ITCH: variants seen among roughly 807,000 people sequenced by gnomAD.
ITCH encodes itchy E3 ubiquitin protein ligase.
ITCH carries 28 observed loss-of-function variants against 126.8 expected under a neutral mutation model. The observed-to-expected ratio is 0.22, with a 90% CI of 0.16 to 0.30. The LOEUF (loss-of-function observed/expected upper bound fraction) is 0.30, where lower values mean the gene tolerates loss of function less well. Among genes scored for constraint, ITCH ranks in the 10% least tolerant of loss-of-function variants. The probability of loss-of-function intolerance (pLI) is 1.00; values close to 1 mark genes in which losing one functional copy is unlikely to be tolerated. For missense variants in ITCH, 631 were observed against 1,032.4 expected (o/e 0.61, Z 5.33); for synonymous variants, 342 against 340.0 (o/e 1.01, Z -0.06).
intron 20 of ITCH, among the ~76,000 whole-genome samples, chr20:34,482,121 C>T (rs910803315): frequency 1.3e-5 from 2 of 152,214 alleles, no homozygotes; most frequent in African/African-American, 4.8e-5. Context: ...ATTCAGTTAT[C>T]TCACTGATTC....
chr20:34,445,268 T>G lies in ITCH; in HGVS notation c.966-19T>G. 6.3e-7 allele frequency: 1 copy of G among 1,596,584 alleles called. No homozygotes were observed. Among genetic ancestry groups the G allele is most frequent in the Non-Finnish European group, 8.5e-7 (1 of 1,175,948 alleles). ...ATTTGTTGAATTAGCTTGTTTTTTT[T>G]TTTTTTTTTCTGATTTAGCTGGGAA... On this transcript the variant is annotated intron_variant, in intron 10 of 24. Coordinates refer to ENST00000374864, the MANE Select transcript of ITCH (RefSeq NM_031483.7).
In ITCH at chr20:34,465,957, G is replaced by A. The variant is rs562910694; in HGVS notation, c.1424+3736G>A. On this transcript the variant is annotated intron_variant, in intron 14 of 24. Coordinates refer to ENST00000374864, the MANE Select transcript of ITCH (RefSeq NM_031483.7). ...CTTCTGGATACTATGTTGACTACAAGTGGTGAAAATAGGCATTCTTATATT... is the reference window on the plus strand; with the variant it reads ...CTTCTGGATACTATGTTGACTACAAATGGTGAAAATAGGCATTCTTATATT... Among the ~76,000 whole-genome samples, 11 of 152,140 alleles carry A rather than the reference G, an allele frequency of 7.2e-5. No individual in the cohort carries two copies. In the South Asian group the frequency reaches 1.0e-3, roughly 14 times the overall value.
chr20:34,474,900 G>A (rs1355399484), intron 16 of ITCH, among the ~76,000 whole-genome samples: 5 of 152,016 alleles, frequency 3.3e-5, no homozygotes, highest in Admixed American at 6.5e-5. Flanking sequence ...CTTCTCAGAC[G>A]GGGCGGTTGC....
intron 2 of ITCH, among the ~76,000 whole-genome samples, chr20:34,375,137 G>A (rs2037787418): frequency 6.7e-6 from 1 of 149,262 alleles, no homozygotes. Context: ...CGCTTTCCGG[G>A]TTCAAGCAAT....
chr20:34,396,486 G>A lies in ITCH; in HGVS notation c.70+2605G>A, dbSNP rs550046058. On this transcript the variant is annotated intron_variant, in intron 3 of 24. Transcript: ENST00000374864. ...TATTTTACTCTGTGTGTGTGCGCGC[G>A]TGCATATGTTTTATCCATTTAATTT... Among the ~76,000 whole-genome samples the A allele has an allele frequency of 3.9e-5, 6 of 152,070 alleles. No individual in the cohort carries two copies. In the East Asian group the frequency reaches 5.8e-4, roughly 15 times the overall value.
intron 3 of ITCH, among the ~76,000 whole-genome samples, chr20:34,405,780 C>CT (rs11455038): frequency 0.51 from 77,237 of 150,700 alleles, 20,008 homozygotes; most frequent in Admixed American, 0.62. Flanking sequence ...TTTAATAGTA[C>CT]TTTTTTTTTA....
intron 24 of ITCH, among the ~76,000 whole-genome samples, chr20:34,506,029 C>T (rs1363942647): frequency 6.6e-6 from 1 of 152,040 alleles, no homozygotes; most frequent in Non-Finnish European, 1.5e-5. Flanking sequence ...TAAGTGCATT[C>T]ATATCATTAT....
At chr20:34,397,109 C>T (rs758758457) in intron 3 of ITCH, among the ~76,000 whole-genome samples, 2 of 151,954 alleles carry the variant, frequency 1.3e-5, no homozygotes, top group South Asian at 2.1e-4. Flanking sequence ...CTGCAACCTC[C>T]GCCTCCCAGG....
chr20:34,474,658 C>T (rs1175049596), intron 16 of ITCH, among the ~76,000 whole-genome samples: 2 of 152,226 alleles, frequency 1.3e-5, no homozygotes, highest in South Asian at 2.1e-4. Context: ...CATCATGGCC[C>T]GTTCTCAATG....
Position 34,491,028 on chromosome 20 carries a change from CCATTGTAAAGTTA to C in ITCH, c.2319+1114_2319+1126del, listed in dbSNP as rs1989471474. Among the ~76,000 whole-genome samples the C allele has an allele frequency of 2.6e-5, 4 of 151,974 alleles. No homozygotes were observed. The South Asian group carries it at 6.2e-4, about 24-fold the overall frequency. ...ATTTAATACCCTTATCATAACTTAC[CCATTGTAAAGTTA>C]CATTGTAAAGTCACAACTTACCCAT... On this transcript the variant is annotated intron_variant, in intron 22 of 24. Transcript: ENST00000374864.
intron 7 of ITCH, among the ~76,000 whole-genome samples, chr20:34,430,888 A>G (rs758693053): frequency 6.6e-5 from 10 of 152,206 alleles, no homozygotes; most frequent in Admixed American, 1.3e-4. Context: ...AAAGTCCTAT[A>G]TGGAAATTTG....
At chr20:34,469,539 C>T (rs556873487) in intron 14 of ITCH, among the ~76,000 whole-genome samples, 37 of 152,304 alleles carry the variant, frequency 2.4e-4, no homozygotes, top group African/African-American at 8.9e-4. Flanking sequence ...ATCCACCCGC[C>T]TCAGCCTCCC....
chr20:34,375,606 G>A (rs1012999545), intron 2 of ITCH, among the ~76,000 whole-genome samples: 8 of 143,484 alleles, frequency 5.6e-5, no homozygotes, highest in Non-Finnish European at 9.0e-5. Flanking sequence ...TGTTTTACAT[G>A]ATAAATATAT....
At chr20:34,428,558 T>G (rs1458410888) in intron 7 of ITCH, among the ~76,000 whole-genome samples, 1 of 152,218 alleles carries the variant, frequency 6.6e-6, no homozygotes, top group Non-Finnish European at 1.5e-5. Flanking sequence ...TGTCGTTAGA[T>G]GTGCGTTCTT....
Position 34,395,393 on chromosome 20 carries a change from C to A in ITCH, c.70+1512C>A, listed in dbSNP as rs577862429. 1.2e-3 allele frequency among the ~76,000 whole-genome samples: 177 copies of A among 152,100 alleles called. 1 individual carries two copies. Among genetic ancestry groups the A allele is most frequent in the Non-Finnish European group, 2.0e-3 (135 of 67,998 alleles). On this transcript the variant is annotated intron_variant, in intron 3 of 24. Coordinates refer to ENST00000374864, the MANE Select transcript of ITCH (RefSeq NM_031483.7). ...CTTCAGAAAACAACTTCATGCTGTACTTTGAGAGAAAGAAGATTGAGGGAG... is the reference window on the plus strand; with the variant it reads ...CTTCAGAAAACAACTTCATGCTGTAATTTGAGAGAAAGAAGATTGAGGGAG...
chr20:34,508,102 A>C lies in ITCH; in HGVS notation c.*308A>C, dbSNP rs1025326747. On this transcript the variant is annotated 3_prime_UTR_variant, in exon 25 of 25. Transcript: ENST00000374864. ...ATATTTTATGTGTGTCAAAAGTCTC[A>C]CTTGGGAGTAGTGTTTTTTTCTTTT... is the stretch of plus-strand genomic sequence containing the variant. 2.9e-6 allele frequency: 1 copy of C among 347,878 alleles called. No individual in the cohort carries two copies. The highest frequency in any genetic ancestry group is 4.1e-5 in the Admixed American group (1 of 24,194). The allele number at this position is 347,878 out of a possible 1,614,324, so 21.5% of individuals were successfully genotyped here. A position where few individuals can be genotyped will look rare whatever the true frequency, so the allele number is the denominator to read the frequency against.
At chr20:34,439,748 T>C (rs1983488630) in intron 8 of ITCH, among the ~76,000 whole-genome samples, 1 of 152,232 alleles carries the variant, frequency 6.6e-6, no homozygotes, top group Non-Finnish European at 1.5e-5. Context: ...AGACCTTCCA[T>C]ATTATAACCA....
At chr20:34,375,358 T>A (rs1462284766) in intron 2 of ITCH, among the ~76,000 whole-genome samples, 1 of 149,968 alleles carries the variant, frequency 6.7e-6, no homozygotes, top group African/African-American at 2.5e-5. Flanking sequence ...TTTTTTTTTT[T>A]AATGGAGGTA....
intron 9 of ITCH, 55 bp downstream of exon 9, chr20:34,440,399 C>T (rs1487218783): frequency 2.4e-6 from 3 of 1,263,592 alleles, no homozygotes; most frequent in Non-Finnish European, 3.5e-6. Flanking sequence ...CATAAGCCTA[C>T]TTATTAATAA....
Sources: gnomAD v4.1 joint callset for allele counts (sites outside exome capture counted in the v4.1 genomes callset) on GRCh38, gnomAD v4.1.1 for gene constraint, MANE v1.5 for transcripts, NCBI Gene and HGNC (gene_info 2026-07-23, HGNC 2026-07-21) for gene names.